Variants in ZNF490 observed in about 807,000 individuals in gnomAD.
ZNF490 encodes the protein zinc finger protein 490.
Under a neutral mutation model 17.7 loss-of-function variants are expected in ZNF490, and 11 were observed. The observed-to-expected ratio is 0.62, with a 90% CI of 0.39 to 1.03. The LOEUF (loss-of-function observed/expected upper bound fraction) is 1.03, where lower values mean the gene tolerates loss of function less well. Among genes scored for constraint, ZNF490 ranks in the 50% least tolerant of loss-of-function variants. The pLI is 0.00. For synonymous variants in ZNF490, 222 were observed against 216.1 expected (o/e 1.03, Z -0.24); for missense variants, 542 against 643.4 (o/e 0.84, Z 1.71).
At chr19:12,596,431 A>G (rs2022934985) in intron 2 of ZNF490, among the ~76,000 whole-genome samples, 1 of 152,148 alleles carries the variant, frequency 6.6e-6, no homozygotes, top group East Asian at 1.9e-4. Flanking sequence ...TATAATACCA[A>G]CATTTTGGGA....
At position 12,576,687 on chromosome 19, in the gene ZNF490, C is replaced by G. The variant is rs547686360; in HGVS notation, c.*3798G>C. On this transcript the variant is annotated 3_prime_UTR_variant, in exon 5 of 5. Transcript: ENST00000311437. ...AAAAATTTAGCTGGTTGTGGTGGCA[C>G]GCGCCTATAGTCCCAGCTACTCAGG... is the stretch of plus-strand genomic sequence containing the variant. 6.6e-6 allele frequency among the ~76,000 whole-genome samples: 1 copy of G among 151,632 alleles called. No individual in the cohort carries two copies. Among genetic ancestry groups the G allele is most frequent in the East Asian group, 1.9e-4 (1 of 5,156 alleles).
intron 2 of ZNF490, among the ~76,000 whole-genome samples, chr19:12,598,959 C>G (rs2022967897): frequency 6.6e-6 from 1 of 150,490 alleles, no homozygotes; most frequent in Non-Finnish European, 1.5e-5. Flanking sequence ...TGCACTCCAG[C>G]CTGGGCAACA....
intron 2 of ZNF490, among the ~76,000 whole-genome samples, chr19:12,602,689 A>G (rs1276592309): frequency 6.9e-6 from 1 of 144,880 alleles, no homozygotes. Flanking sequence ...CAGTGGTGTG[A>G]TCTCGGCTTA....
chr19:12,609,138 C>T lies in ZNF490; in HGVS notation c.162+20G>A. The T allele has an allele frequency of 6.2e-7, 1 of 1,613,596 alleles. No homozygotes were observed. The highest frequency in any genetic ancestry group is 1.7e-4 in the Middle Eastern group (1 of 6,048). On this transcript the variant is annotated intron_variant, in intron 2 of 4. Transcript: ENST00000311437. ...TAAACAAGGAAGGTAGCCACGCTGA[C>T]AGGTAGCGATCTCACTTACAGTTTG...
Position 12,578,140 on chromosome 19 carries a change from C to G in ZNF490, c.*2345G>C, listed in dbSNP as rs1458854732. On this transcript the variant is annotated 3_prime_UTR_variant, in exon 5 of 5. Coordinates refer to ENST00000311437, the MANE Select transcript of ZNF490 (RefSeq NM_020714.3). ...TAGTCTTAGCGGGAGGCTAGGAAAC[C>G]AGTCCTGGAGCAGGATGCATGTGAC... 8.1e-6 allele frequency: 8 copies of G among 985,376 alleles called. No homozygotes were observed. Among genetic ancestry groups the G allele is most frequent in the Non-Finnish European group, 9.6e-6 (8 of 830,036 alleles). 61.0% of individuals were successfully genotyped at this position (985,376 alleles called of 1,614,324 possible).
chr19:12,583,331 G>A, intron 3 of ZNF490, 99 bp downstream of exon 3: 1 of 1,400,150 alleles, frequency 7.1e-7, no homozygotes, highest in Non-Finnish European at 9.6e-7. Flanking sequence ...GAGCCACCGT[G>A]CCTGGCCCCT....
rs2022636521 is a variant in ZNF490, at chr19:12,576,445, G to A, written c.*4040C>T. ...TGCTTGAACCTGGGAGGCAGAGATTGCAGTGAGCCGAGATCATGCCACTGC... is the reference window on the plus strand; with the variant it reads ...TGCTTGAACCTGGGAGGCAGAGATTACAGTGAGCCGAGATCATGCCACTGC... On this transcript the variant is annotated 3_prime_UTR_variant, in exon 5 of 5. Transcript: ENST00000311437. Among the ~76,000 whole-genome samples, 1 of 151,766 alleles carries A rather than the reference G, an allele frequency of 6.6e-6. No homozygotes were observed.
intron 1 of ZNF490, 21 bp from the exon 2 acceptor site, chr19:12,609,223 G>T: frequency 6.2e-7 from 1 of 1,612,956 alleles, no homozygotes; most frequent in Non-Finnish European, 8.5e-7. Flanking sequence ...ACAAGAGGAT[G>T]CATTTTGTGA....
At chr19:12,589,032 TAATAACAGGCC>T (rs1390725783) in intron 2 of ZNF490, among the ~76,000 whole-genome samples, 1 of 152,060 alleles carries the variant, frequency 6.6e-6, no homozygotes, top group African/African-American at 2.4e-5. Context: ...CTTAAAAAAC[TAATAACAGGCC>T]AGGTATGGTG....
Position 12,581,261 on chromosome 19 carries a change from G to A in ZNF490, c.814C>T (p.His272Tyr), listed in dbSNP as rs539425301. ...CATTTGTAGGGTTTCTCTCCAGTGTGATTTTTTTCATGGCGCCGAAGAGCA... is the reference window on the plus strand; with the variant it reads ...CATTTGTAGGGTTTCTCTCCAGTGTAATTTTTTTCATGGCGCCGAAGAGCA... Reference protein sequence around the residue: ...LTALRRHEKNHTGEKPYKCKQ... With the variant: ...LTALRRHEKNYTGEKPYKCKQ... Residue 272 changes from histidine (H) to tyrosine (Y), a missense_variant, in exon 5 of 5, where the codon CAC (histidine) becomes TAC (tyrosine). By Grantham distance (83) the His-to-Tyr change is moderately conservative (BLOSUM62 2). Transcript: ENST00000311437. 2 of 1,614,128 alleles carry A rather than the reference G, an allele frequency of 1.2e-6. No individual in the cohort carries two copies. The highest frequency in any genetic ancestry group is 1.7e-6 in the Non-Finnish European group (2 of 1,180,018).
At position 12,603,606 on chromosome 19, in the gene ZNF490, C is replaced by T. The variant is rs2023032084; in HGVS notation, c.162+5552G>A. Among the ~76,000 whole-genome samples the T allele has an allele frequency of 2.0e-5, 3 of 152,162 alleles. No homozygotes were observed. In the South Asian group the frequency reaches 6.2e-4, roughly 32 times the overall value. On this transcript the variant is annotated intron_variant, in intron 2 of 4. Coordinates refer to ENST00000311437, the MANE Select transcript of ZNF490 (RefSeq NM_020714.3). ...AGGTGTTTGAGACCAGTCTGGGCAA[C>T]ATGGCGAAAACCCATCTCTACTAAA...
rs778005287 is a variant in ZNF490 at position 12,581,245 on chromosome 19, G to A, written c.830C>T (p.Pro277Leu). ...TTTTCCACACTGTTTACATTTGTAG[G>A]GTTTCTCTCCAGTGTGATTTTTTTC... ...RHEKNHTGEK[P>L]YKCKQCGKAF... The change falls in exon 5 of 5, where the codon CCC becomes CTC. Residue 277 changes from proline (P) to leucine (L), a missense_variant. Transcript: ENST00000311437. 2 of 1,614,110 alleles carry A rather than the reference G, an allele frequency of 1.2e-6. No homozygotes were observed. The highest frequency in any genetic ancestry group is 8.5e-7 in the Non-Finnish European group (1 of 1,180,030).
At chr19:12,589,541 A>G (rs1174175378) in intron 2 of ZNF490, among the ~76,000 whole-genome samples, 1 of 151,142 alleles carries the variant, frequency 6.6e-6, no homozygotes, top group Non-Finnish European at 1.5e-5. Context: ...ATAGCAAACT[A>G]GGAATAGAAG....
intron 2 of ZNF490, among the ~76,000 whole-genome samples, chr19:12,597,473 T>C (rs915679406): frequency 6.6e-6 from 1 of 152,188 alleles, no homozygotes; most frequent in African/African-American, 2.4e-5. Flanking sequence ...AAGAGGAATT[T>C]GTTCTTTGCC....
Position 12,578,070 on chromosome 19 carries a change from C to T in ZNF490, c.*2415G>A. 3.0e-6 allele frequency: 3 copies of T among 985,452 alleles called. No homozygotes were observed. In the South Asian group the frequency reaches 1.4e-4, roughly 46 times the overall value. 61.0% of individuals were successfully genotyped at this position (985,452 alleles called of 1,614,324 possible). A position where few individuals can be genotyped will look rare whatever the true frequency, so the allele number is the denominator to read the frequency against. On this transcript the variant is annotated 3_prime_UTR_variant, in exon 5 of 5. Transcript: ENST00000311437. ...CCAGCACCTCCCATACACAACAGAG[C>T]TGGAGCGCTGCAGGGTGGGTCCTTT...
chr19:12,600,148 G>A (rs1283534791), intron 2 of ZNF490, among the ~76,000 whole-genome samples: 1 of 152,018 alleles, frequency 6.6e-6, no homozygotes, highest in Non-Finnish European at 1.5e-5. Flanking sequence ...AGATCACGAG[G>A]TTAGGAGATC....
rs1470383377 is a variant in ZNF490, at chr19:12,581,029, A to AG, written c.1045dup (p.Leu349ProfsTer17). 3 of 1,614,076 alleles carry AG rather than the reference A, an allele frequency of 1.9e-6. No homozygotes were observed. The highest frequency in any genetic ancestry group is 2.5e-6 in the Non-Finnish European group (3 of 1,179,988). The stretch of plus-strand genomic sequence containing the variant: ...GGTGTGGGTTTTCACGTGTTTTCGA[A>AG]GGCTTGAGTGAGAAAAGAAGGCTCT... On this transcript the variant is annotated frameshift_variant, in exon 5 of 5. Transcript: ENST00000311437. LOFTEE classifies it low-confidence loss of function (END_TRUNC).
intron 2 of ZNF490, among the ~76,000 whole-genome samples, chr19:12,587,092 A>G (rs2022812940): frequency 1.1e-5 from 1 of 89,230 alleles, no homozygotes; most frequent in Non-Finnish European, 3.0e-5. Flanking sequence ...AAGAAAAAAG[A>G]ATACCTAATA....
intron 1 of ZNF490, chr19:12,609,945 C>T (rs752100463): frequency 6.6e-6 from 3 of 455,356 alleles, no homozygotes; most frequent in Admixed American, 2.4e-5. Context: ...AATATATCCA[C>T]GTAACACAAG....
Sources: gnomAD v4.1 joint callset for allele counts (sites outside exome capture counted in the v4.1 genomes callset) on GRCh38, gnomAD v4.1.1 for gene constraint, MANE v1.5 for transcripts, NCBI Gene and HGNC (gene_info 2026-07-23, HGNC 2026-07-21) for gene names.